The following ZFP1 variants were observed in gnomAD, a reference collection of about 807,000 sequenced individuals.
ZFP1 encodes the protein ZFP1 zinc finger protein.
ZFP1 carries 32 observed loss-of-function variants against 38.5 expected under a neutral mutation model. That is an observed-to-expected ratio of 0.83 (90% CI 0.63 to 1.12). The LOEUF (loss-of-function observed/expected upper bound fraction) is 1.12, where lower values mean the gene tolerates loss of function less well. Ranked by LOEUF, ZFP1 falls within the 50% of genes most tolerant of loss-of-function variation. The pLI, the probability that ZFP1 is intolerant of heterozygous loss-of-function variation, is 0.00. For missense variants in ZFP1, 616 were observed against 480.8 expected, an observed-to-expected ratio of 1.28 and a Z score of -2.63; for synonymous variants, 245 against 168.8, an observed-to-expected ratio of 1.45 and a Z score of -3.50.
the ZFP1 span, among the ~76,000 whole-genome samples, chr16:75,140,298 G>C: frequency 6.6e-6 from 1 of 151,832 alleles, no homozygotes; most frequent in African/African-American, 2.4e-5. Flanking sequence ...GCCAGGTGTG[G>C]TGGCTCATGC....
upstream of ZFP1, among the ~76,000 whole-genome samples, chr16:75,148,197 T>G (rs185578298): frequency 4.3e-4 from 66 of 152,358 alleles, no homozygotes; most frequent in African/African-American, 1.6e-3. Flanking sequence ...CTTTATTTTG[T>G]ACATATATTC....
At chr16:75,121,950 T>C in the ZFP1 span, among the ~76,000 whole-genome samples, 1 of 152,192 alleles carries the variant, frequency 6.6e-6, no homozygotes, top group Non-Finnish European at 1.5e-5. Flanking sequence ...CCAAATACTA[T>C]AAGGTGTCAA....
chr16:75,165,277 C>T (rs945799902), intron 2 of ZFP1, among the ~76,000 whole-genome samples: 2 of 152,198 alleles, frequency 1.3e-5, no homozygotes, highest in Non-Finnish European at 2.9e-5. Context: ...AAAAGTTTGT[C>T]AACCAACTCA....
chr16:75,151,569 C>G (rs1216831854), intron 1 of ZFP1, among the ~76,000 whole-genome samples: 1 of 152,112 alleles, frequency 6.6e-6, no homozygotes, highest in Non-Finnish European at 1.5e-5. Flanking sequence ...AGATATCATA[C>G]TGTTTTATGT....
the ZFP1 span, among the ~76,000 whole-genome samples, chr16:75,137,412 G>C: frequency 6.7e-6 from 1 of 148,666 alleles, no homozygotes. Context: ...AGAAGTTCAA[G>C]ACCAGCATGG....
At chr16:75,125,087 C>T in the ZFP1 span, among the ~76,000 whole-genome samples, 2 of 151,726 alleles carry the variant, frequency 1.3e-5, no homozygotes, top group South Asian at 2.1e-4. Context: ...GGTGAAACCC[C>T]ATCTGTACTA....
At chr16:75,166,715 C>G in intron 2 of ZFP1, 55 bp from the exon 3 acceptor site, 6 of 1,612,808 alleles carry the variant, frequency 3.7e-6, no homozygotes, top group Non-Finnish European at 5.1e-6. Context: ...TTTCATCTAT[C>G]CTTTCTATAT....
chr16:75,140,129 G>A, the ZFP1 span, among the ~76,000 whole-genome samples: 2 of 152,060 alleles, frequency 1.3e-5, no homozygotes, highest in African/African-American at 4.8e-5. Context: ...CTAGCCGGGC[G>A]TGGTGGTGCA....
intron 2 of ZFP1, 59 bp from the exon 3 acceptor site, chr16:75,166,711 C>A (rs1053600500): frequency 6.2e-7 from 1 of 1,612,234 alleles, no homozygotes; most frequent in Non-Finnish European, 8.5e-7. Context: ...AAGTTTTCAT[C>A]TATCCTTTCT....
At chr16:75,151,254 T>A (rs1862740) in intron 1 of ZFP1, among the ~76,000 whole-genome samples, 119,014 of 151,850 alleles carry the variant, frequency 0.78, 47,800 homozygotes, top group Non-Finnish European at 0.87. Flanking sequence ...TTTTATATTT[T>A]AAACAAACTG....
the ZFP1 span, among the ~76,000 whole-genome samples, chr16:75,141,161 G>A: frequency 9.2e-3 from 1,378 of 150,214 alleles, 24 homozygotes; most frequent in African/African-American, 0.032. Flanking sequence ...ACAGAAAATC[G>A]AGTGAAAAAG....
rs1034878227 is a variant in ZFP1, at chr16:75,172,040, A to G, written c.*1706A>G. ...TGGTAAGGACCAAAAAAACAAACAA[A>G]AAAAAGACCATCAGTAAGGGAATGG... On this transcript the variant is annotated 3_prime_UTR_variant, in exon 4 of 4. Transcript: ENST00000570010. 2 of 152,238 alleles carry G rather than the reference A, an allele frequency of 1.3e-5. No individual in the cohort carries two copies. The highest frequency in any genetic ancestry group is 2.4e-5 in the African/African-American group (1 of 41,458). The allele number at this position is 152,238 out of a possible 1,614,324, so 9.4% of individuals were successfully genotyped here.
At chr16:75,157,488 CCCT>C (rs1277025804) in intron 2 of ZFP1, among the ~76,000 whole-genome samples, 1 of 151,954 alleles carries the variant, frequency 6.6e-6, no homozygotes, top group Non-Finnish European at 1.5e-5. Context: ...AAGTGATACG[CCCT>C]CCTCAGCCTC....
chr16:75,134,823 C>T, the ZFP1 span, among the ~76,000 whole-genome samples: 31 of 151,756 alleles, frequency 2.0e-4, no homozygotes, highest in Admixed American at 1.4e-3. Context: ...TTGGGGAGGC[C>T]GAGGCGGGCG....
At position 75,171,095 on chromosome 16, in the gene ZFP1, T is replaced by TAA. The variant is rs1202767706; in HGVS notation, c.*762_*763dup. 1.5e-5 allele frequency: 2 copies of TAA among 134,016 alleles called. No homozygotes were observed. Among genetic ancestry groups the TAA allele is most frequent in the Middle Eastern group, 3.8e-3 (1 of 266 alleles). 8.3% of individuals were successfully genotyped at this position (134,016 alleles called of 1,614,324 possible). ...GTACTACTCAGTATGCACCACAGAA[T>TAA]AAGAGTTTGCCGTGTAAAGACAATA... On this transcript the variant is annotated 3_prime_UTR_variant, in exon 4 of 4. Coordinates refer to ENST00000570010, the MANE Select transcript of ZFP1 (RefSeq NM_153688.4).
rs764621594 is a variant in ZFP1 at position 75,170,240 on chromosome 16, A to G, written c.1130A>G (p.Glu377Gly). ...LRLHLRIHTG[E>G]KPYECSECGK... is the part of the protein sequence containing the mutation. The stretch of plus-strand genomic sequence containing the variant: ...TTACACTTGCGAATCCACACAGGAG[A>G]GAAACCATATGAGTGTTCCGAATGT... Residue 377 changes from glutamate to glycine, a missense_variant, in exon 4 of 4, where the codon GAG (glutamate) becomes GGG (glycine). By Grantham distance (98) the Glu-to-Gly change is moderately conservative. Transcript: ENST00000570010. The G allele has an allele frequency of 1.9e-6, 3 of 1,614,176 alleles. No homozygotes were observed. The highest frequency in any genetic ancestry group is 2.5e-6 in the Non-Finnish European group (3 of 1,180,004).
At chr16:75,128,361 C>A in the ZFP1 span, among the ~76,000 whole-genome samples, 1 of 152,192 alleles carries the variant, frequency 6.6e-6, no homozygotes, top group African/African-American at 2.4e-5. Flanking sequence ...CCATCAAAAC[C>A]AGTTTAAAAG....
chr16:75,148,518 G>C (rs907549406), upstream of ZFP1: 5 of 152,298 alleles, frequency 3.3e-5, no homozygotes, highest in African/African-American at 9.6e-5. Context: ...GAGCGCGCCG[G>C]TGGCCGCCCT....
At chr16:75,131,017 G>A in the ZFP1 span, among the ~76,000 whole-genome samples, 1 of 151,946 alleles carries the variant, frequency 6.6e-6, no homozygotes, top group Admixed American at 6.6e-5. Context: ...CCTATATCCC[G>A]CTTCCTCCCA....
Sources: gnomAD v4.1 joint callset for allele counts (sites outside exome capture counted in the v4.1 genomes callset) on GRCh38, gnomAD v4.1.1 for gene constraint, MANE v1.5 for transcripts, NCBI Gene and HGNC (gene_info 2026-07-23, HGNC 2026-07-21) for gene names.